FBLN1: variants seen among roughly 807,000 people sequenced by gnomAD.
FBLN1 encodes the protein fibulin-1.
FBLN1 carries 34 observed loss-of-function variants against 89.7 expected under a neutral mutation model. The ratio of observed to expected loss-of-function variants is 0.38; its 90% CI spans 0.29 to 0.50. The LOEUF is 0.50. Among genes scored for constraint, FBLN1 ranks in the 20% least tolerant of loss-of-function variants. The pLI, the probability that FBLN1 is intolerant of heterozygous loss-of-function variation, is 0.92. For missense variants in FBLN1, 777 were observed against 988.1 expected, an observed-to-expected ratio of 0.79 and a Z score of 2.86; for synonymous variants, 393 against 391.3, an observed-to-expected ratio of 1.00 and a Z score of -0.05.
In FBLN1 at chr22:45,597,813, T is replaced by C. The variant is rs2089199312; in HGVS notation, c.1973-2494T>C. 6.6e-6 allele frequency among the ~76,000 whole-genome samples: 1 copy of C among 152,206 alleles called. No homozygotes were observed. The highest frequency in any genetic ancestry group is 2.1e-4 in the South Asian group (1 of 4,836). On this transcript the variant is annotated intron_variant, in intron 16 of 16. Coordinates refer to ENST00000327858, the MANE Select transcript of FBLN1 (RefSeq NM_006486.3). This position sits in a 1 kb window ranked among gnomAD's most constrained non-coding sequence, Gnocchi z 4.2. ...ATCTCTCCATCGGAGCTAAAGCCCA[T>C]GTTTGCTTAGGGAACAGCCTGAAAT...
chr22:45,526,183 C>T (rs13053630), intron 3 of FBLN1, among the ~76,000 whole-genome samples: 2,729 of 152,350 alleles, frequency 0.018, 36 homozygotes, highest in South Asian at 0.037. Flanking sequence ...GAGGCCCAGC[C>T]TCCAAAATGG....
chr22:45,566,898 A>T (rs2088905441), intron 14 of FBLN1, among the ~76,000 whole-genome samples: 1 of 152,254 alleles, frequency 6.6e-6, no homozygotes, highest in South Asian at 2.1e-4. Flanking sequence ...TGATAATAAT[A>T]ACAACTCCAA....
At position 45,574,933 on chromosome 22, in the gene FBLN1, C is replaced by A. The variant is rs2088982976; in HGVS notation, c.1840+280C>A. On this transcript the variant is annotated intron_variant, in intron 15 of 16. Transcript: ENST00000327858. This position sits in a 1 kb window ranked among gnomAD's most constrained non-coding sequence, Gnocchi z 4.1. ...AGTAGCTGGGACTACAGGCGCCCGC[C>A]ACCACGCCTGGCTAATCTTTTTGTA... Among the ~76,000 whole-genome samples the A allele has an allele frequency of 1.3e-5, 2 of 152,070 alleles. No homozygotes were observed. Among genetic ancestry groups the A allele is most frequent in the Non-Finnish European group, 2.9e-5 (2 of 68,012 alleles).
At chr22:45,552,935 G>A (rs2088724140) in intron 14 of FBLN1, among the ~76,000 whole-genome samples, 1 of 152,234 alleles carries the variant, frequency 6.6e-6, no homozygotes, top group Non-Finnish European at 1.5e-5. Context: ...GCCGGCGCCT[G>A]ATGACCTGTG....
intron 4 of FBLN1, among the ~76,000 whole-genome samples, chr22:45,529,799 G>A (rs547162701): frequency 2.6e-5 from 4 of 152,278 alleles, no homozygotes; most frequent in South Asian, 4.1e-4. Context: ...CCTGGGAGGC[G>A]GAGGTTGCAG....
At chr22:45,573,267 A>AC (rs199747281) in intron 14 of FBLN1, among the ~76,000 whole-genome samples, 2,111 of 151,932 alleles carry the variant, frequency 0.014, 20 homozygotes, top group Non-Finnish European at 0.022. Context: ...AAATAAAGGA[A>AC]CAGAGAAGAA....
chr22:45,544,777 C>T (rs191132582), intron 11 of FBLN1, among the ~76,000 whole-genome samples: 198 of 152,288 alleles, frequency 1.3e-3, no homozygotes, highest in African/African-American at 4.7e-3. Flanking sequence ...GTTGTTCCTG[C>T]CAACAGTCTT....
chr22:45,574,773 C>CTTTAT lies in FBLN1; in HGVS notation c.1840+123_1840+124insATTTT. The CTTTAT allele has an allele frequency of 3.4e-6, 2 of 591,804 alleles. No individual in the cohort carries two copies. The highest frequency in any genetic ancestry group is 2.8e-6 in the Non-Finnish European group (1 of 355,712). 36.7% of individuals were successfully genotyped at this position (591,804 alleles called of 1,614,324 possible). On this transcript the variant is annotated intron_variant, in intron 15 of 16. Transcript: ENST00000327858. The surrounding 1 kb of genome is among the most constrained non-coding windows in gnomAD (Gnocchi z 4.1). ...GTGGCCCAGGCTTTGAAATGCAGAA[C>CTTTAT]TTTCTTTTTTTTTTTTTTTTTTTTT... is the stretch of plus-strand genomic sequence containing the variant.
At chr22:45,573,451 G>A (rs1181499925) in intron 14 of FBLN1, among the ~76,000 whole-genome samples, 2 of 151,496 alleles carry the variant, frequency 1.3e-5, no homozygotes, top group African/African-American at 2.4e-5. Context: ...TGAGGTGGGC[G>A]GATCACAAGG....
rs1191922625 is a variant in FBLN1 at position 45,555,100 on chromosome 22, A to T, written c.1697+4485A>T. Among the ~76,000 whole-genome samples the T allele has an allele frequency of 3.4e-5, 5 of 146,886 alleles. No individual in the cohort carries two copies. The East Asian group carries it at 8.2e-4, about 24-fold the overall frequency. On this transcript the variant is annotated intron_variant, in intron 14 of 16. Transcript: ENST00000327858. ...GACCCGTCCCCGTCTCCACCGCAGG[A>T]GGTTGGGACCCGTCCCCGTCTCCAC...
intron 1 of FBLN1, among the ~76,000 whole-genome samples, chr22:45,505,386 T>TG (rs138002734): frequency 0.046 from 7,002 of 152,080 alleles, 558 homozygotes; most frequent in African/African-American, 0.16. Context: ...AGTCAGGAGG[T>TG]GGGGGCCAGG....
At chr22:45,598,962 G>A (rs2146673594) in intron 16 of FBLN1, among the ~76,000 whole-genome samples, 1 of 152,378 alleles carries the variant, frequency 6.6e-6, no homozygotes, top group Non-Finnish European at 1.5e-5. Flanking sequence ...CAGAGTATGG[G>A]AGAGTCTCTG....
intron 12 of FBLN1, 132 bp downstream of exon 12, chr22:45,547,336 G>T: frequency 8.8e-7 from 1 of 1,139,810 alleles, no homozygotes; most frequent in Non-Finnish European, 1.3e-6. Context: ...AACCTTCCAT[G>T]TCCACCCTTG....
Position 45,575,120 on chromosome 22 carries a change from C to A in FBLN1, c.1840+467C>A, listed in dbSNP as rs1012789997. The stretch of plus-strand genomic sequence containing the variant: ...AACTTTCTTTGTGTCTGTGTCCCCC[C>A]CACACCCACCTGGCACAGCAGCATT... On this transcript the variant is annotated intron_variant, in intron 15 of 16. Coordinates refer to ENST00000327858, the MANE Select transcript of FBLN1 (RefSeq NM_006486.3). This position sits in a 1 kb window ranked among gnomAD's most constrained non-coding sequence, Gnocchi z 6.3. 2.0e-5 allele frequency among the ~76,000 whole-genome samples: 3 copies of A among 152,160 alleles called. No homozygotes were observed. The highest frequency in any genetic ancestry group is 7.2e-5 in the African/African-American group (3 of 41,442).
At chr22:45,594,609 TGTGGGTGGATGGACAGATGGGTTGATTG>T (rs2089167431) in intron 16 of FBLN1, among the ~76,000 whole-genome samples, 1 of 150,982 alleles carries the variant, frequency 6.6e-6, no homozygotes, top group Non-Finnish European at 1.5e-5. Context: ...TGGGTGGGTG[TGTGGGTGGATGGACAGATGGGTTGATTG>T]GTGGGTGAAT....
chr22:45,510,867 A>G (rs945397157), intron 1 of FBLN1, among the ~76,000 whole-genome samples: 1 of 152,184 alleles, frequency 6.6e-6, no homozygotes, highest in Non-Finnish European at 1.5e-5. Context: ...CAGCTGTCCC[A>G]GGCAACAAAC....
chr22:45,534,363 C>T (rs963975642), intron 7 of FBLN1, among the ~76,000 whole-genome samples: 5 of 150,716 alleles, frequency 3.3e-5, no homozygotes, highest in Non-Finnish European at 5.9e-5. Context: ...CAACAGCTGC[C>T]TTCCATCCAA....
chr22:45,537,054 G>C lies in FBLN1; in HGVS notation c.922+1717G>C, dbSNP rs987636365. Among the ~76,000 whole-genome samples the C allele has an allele frequency of 3.7e-4, 57 of 152,196 alleles. 1 individual carries two copies. The highest frequency in any genetic ancestry group is 8.8e-5 in the Non-Finnish European group (6 of 68,042). On this transcript the variant is annotated intron_variant, in intron 8 of 16. Transcript: ENST00000327858. The surrounding 1 kb of genome is among the most constrained non-coding windows in gnomAD (Gnocchi z 5.7). ...GCTCTCCCTCGGCCTCTGCTTGGCAGACGCCCCTGGGTCCTGCCTTTGAGG... is the reference window on the plus strand; with the variant it reads ...GCTCTCCCTCGGCCTCTGCTTGGCACACGCCCCTGGGTCCTGCCTTTGAGG...
chr22:45,515,563 CTG>C (rs1325905416), intron 1 of FBLN1, among the ~76,000 whole-genome samples: 2 of 152,280 alleles, frequency 1.3e-5, no homozygotes, highest in Non-Finnish European at 2.9e-5. Flanking sequence ...CTGCCCTTCC[CTG>C]TGTTTTCCTT....
Sources: gnomAD v4.1 joint callset for allele counts (sites outside exome capture counted in the v4.1 genomes callset) on GRCh38, gnomAD v4.1.1 for gene constraint, Gnocchi (gnomAD v3.1) non-coding constraint, MANE v1.5 for transcripts, NCBI Gene and HGNC (gene_info 2026-07-23, HGNC 2026-07-21) for gene names.